Variants in GREB1L observed in about 807,000 individuals in gnomAD.
GREB1L encodes the protein GREB1-like protein.
GREB1L carries 17 observed loss-of-function variants against 200.8 expected under a neutral mutation model. The observed-to-expected ratio is 0.08, with a 90% CI of 0.06 to 0.13. The LOEUF (loss-of-function observed/expected upper bound fraction) is 0.13, where lower values mean the gene tolerates loss of function less well. Among genes scored for constraint, GREB1L ranks in the 10% least tolerant of loss-of-function variants. The probability of loss-of-function intolerance (pLI) is 1.00; values close to 1 mark genes in which losing one functional copy is unlikely to be tolerated. For missense variants in GREB1L, 1,657 were observed against 2,367.7 expected (o/e 0.70, Z 6.23); for synonymous variants, 789 against 893.0 (o/e 0.88, Z 2.08).
intron 1 of GREB1L, among the ~76,000 whole-genome samples, chr18:21,307,649 C>T (rs1186407099): frequency 6.6e-6 from 1 of 152,094 alleles, no homozygotes; most frequent in Non-Finnish European, 1.5e-5. Flanking sequence ...CCCTCCTCTA[C>T]CCTAAGTCTC....
chr18:21,438,508 A>C (rs1180477159), intron 7 of GREB1L, among the ~76,000 whole-genome samples: 1 of 152,002 alleles, frequency 6.6e-6, no homozygotes, highest in East Asian at 1.9e-4. Flanking sequence ...CTTAAAAAAA[A>C]AATCTTAAAA....
intron 4 of GREB1L, among the ~76,000 whole-genome samples, chr18:21,393,032 A>G (rs1476315176): frequency 1.1e-4 from 17 of 152,142 alleles, no homozygotes; most frequent in Admixed American, 2.0e-4. Context: ...TTGGCCTCCC[A>G]AAGTGCTGGG....
chr18:21,421,855 G>C lies in GREB1L; in HGVS notation c.833-17666G>C, dbSNP rs374921353. On this transcript the variant is annotated intron_variant, in intron 7 of 32. Transcript: ENST00000424526. ...GAAGATTTTTTCCCCCAGTGATTTT[G>C]GGCTAACAGAAAGTAATTGAACTAT... Among the ~76,000 whole-genome samples the C allele has an allele frequency of 5.3e-5, 8 of 152,228 alleles. No homozygotes were observed. In the East Asian group the frequency reaches 5.8e-4, roughly 11 times the overall value.
intron 15 of GREB1L, among the ~76,000 whole-genome samples, chr18:21,467,106 T>C (rs1352794935): frequency 2.0e-5 from 3 of 152,142 alleles, no homozygotes; most frequent in African/African-American, 7.2e-5. Context: ...TAACTCAAAA[T>C]GGATCAAAGA....
At chr18:21,487,846 CAA>C (rs749678621) in intron 18 of GREB1L, among the ~76,000 whole-genome samples, 16 of 125,206 alleles carry the variant, frequency 1.3e-4, no homozygotes, top group Non-Finnish European at 1.5e-4. Flanking sequence ...ACTAAAAATA[CAA>C]AAAAAAAAAA....
chr18:21,284,850 G>T (rs1475743142), intron 1 of GREB1L, among the ~76,000 whole-genome samples: 3 of 151,806 alleles, frequency 2.0e-5, no homozygotes, highest in African/African-American at 4.8e-5. Flanking sequence ...GCTACTGTCT[G>T]TTTTTTTTCT....
At chr18:21,431,626 CTTAG>C (rs2033157767) in intron 7 of GREB1L, among the ~76,000 whole-genome samples, 1 of 152,098 alleles carries the variant, frequency 6.6e-6, no homozygotes, top group Non-Finnish European at 1.5e-5. Flanking sequence ...ACGTCTTAGG[CTTAG>C]TTAGTTTACA....
At position 21,495,758 on chromosome 18, in the gene GREB1L, A is replaced by G; in HGVS notation, c.3119A>G (p.Lys1040Arg). Residue 1040 changes from lysine (K) to arginine (R), a missense_variant, in exon 20 of 33, where the codon AAA becomes AGA. Physicochemically the swap from Lys to Arg is conservative, Grantham distance 26. Transcript: ENST00000424526. ...CCTTGTATTGTGATATTAACTGGCA[A>G]AGATCCTCTTGGAGAAACCTTTCCC... ...GLPCIVILTGKDPLGETFPRS... is the reference protein window; with the variant it reads ...GLPCIVILTGRDPLGETFPRS... The G allele has an allele frequency of 6.5e-7, 1 of 1,541,120 alleles. No homozygotes were observed. Among genetic ancestry groups the G allele is most frequent in the Non-Finnish European group, 8.8e-7 (1 of 1,139,294 alleles).
rs563370771 is a variant in GREB1L, at chr18:21,447,588, G to A, written c.1394-1922G>A. ...TACTTAGTCCTGGAGTGAGTCTTAT[G>A]GACTACTAACCAGGCCCCTGAGCTT... On this transcript the variant is annotated intron_variant, in intron 11 of 32. Coordinates refer to ENST00000424526, the MANE Select transcript of GREB1L (RefSeq NM_001142966.3). Among the ~76,000 whole-genome samples the A allele has an allele frequency of 2.0e-4, 31 of 152,258 alleles. No homozygotes were observed. The South Asian group carries it at 6.2e-3, about 31-fold the overall frequency.
intron 7 of GREB1L, among the ~76,000 whole-genome samples, chr18:21,410,261 G>A (rs1226362707): frequency 6.6e-6 from 1 of 151,912 alleles, no homozygotes; most frequent in Non-Finnish European, 1.5e-5. Flanking sequence ...TGATTTTCTT[G>A]GGCCCTAGAT....
At chr18:21,445,729 G>T (rs1183520079) in intron 11 of GREB1L, among the ~76,000 whole-genome samples, 1 of 152,172 alleles carries the variant, frequency 6.6e-6, no homozygotes, top group Non-Finnish European at 1.5e-5. Flanking sequence ...CTTGGCCTCT[G>T]CTTCGACATG....
At chr18:21,309,648 G>A (rs901847661) in intron 1 of GREB1L, among the ~76,000 whole-genome samples, 2 of 152,020 alleles carry the variant, frequency 1.3e-5, no homozygotes, top group African/African-American at 4.8e-5. Flanking sequence ...TTTACCCTCT[G>A]GCCTTTTTCC....
At chr18:21,451,241 G>A (rs2034505288) in intron 13 of GREB1L, 90 bp downstream of exon 13, 3 of 1,334,538 alleles carry the variant, frequency 2.2e-6, no homozygotes, top group South Asian at 1.4e-5. Flanking sequence ...TGAGTGTGGA[G>A]CTCAAGCTTG....
chr18:21,417,739 C>G (rs1284961040), intron 7 of GREB1L, among the ~76,000 whole-genome samples: 1 of 151,926 alleles, frequency 6.6e-6, no homozygotes. Context: ...CACCTGTAAT[C>G]CCAGTACTTT....
intron 25 of GREB1L, 125 bp downstream of exon 25, chr18:21,506,074 A>G (rs2037003883): frequency 6.8e-6 from 7 of 1,027,474 alleles, no homozygotes; most frequent in Non-Finnish European, 9.5e-6. Flanking sequence ...TAGTTTACTC[A>G]TAAGAAGGAG....
At chr18:21,392,541 C>A (rs1221388783) in intron 4 of GREB1L, among the ~76,000 whole-genome samples, 1 of 152,022 alleles carries the variant, frequency 6.6e-6, no homozygotes, top group Non-Finnish European at 1.5e-5. Context: ...TCATGAACTT[C>A]TAGAGTTAAA....
chr18:21,395,285 T>C, intron 4 of GREB1L, 100 bp from the exon 5 acceptor site: 1 of 943,100 alleles, frequency 1.1e-6, no homozygotes, highest in Non-Finnish European at 1.6e-6. Context: ...TAGTCTGTAA[T>C]AGTGATTCTC....
intron 7 of GREB1L, among the ~76,000 whole-genome samples, chr18:21,434,485 GTA>G (rs759371210): frequency 0.013 from 1,386 of 107,762 alleles, 11 homozygotes; most frequent in Middle Eastern, 0.023. Flanking sequence ...AAAAAAAATA[GTA>G]TATATATATA....
chr18:21,420,792 C>T (rs2032085922), intron 7 of GREB1L, among the ~76,000 whole-genome samples: 1 of 152,048 alleles, frequency 6.6e-6, no homozygotes, highest in Non-Finnish European at 1.5e-5. Context: ...AGGTGTTTAC[C>T]AGAGGGGAAA....
Sources: allele counts gnomAD v4.1 joint callset (sites outside exome capture counted in the v4.1 genomes callset), GRCh38; gene constraint gnomAD v4.1.1; transcripts MANE v1.5; gene names NCBI Gene and HGNC (gene_info 2026-07-23, HGNC 2026-07-21).